Variants in DIAPH1 observed in about 807,000 individuals in gnomAD.
The protein encoded by DIAPH1 is protein diaphanous homolog 1.
DIAPH1 carries 46 observed loss-of-function variants against 140.7 expected under a neutral mutation model. The observed-to-expected ratio is 0.33, with a 90% CI of 0.26 to 0.42. The LOEUF is 0.42. Among genes scored for constraint, DIAPH1 ranks in the 10% least tolerant of loss-of-function variants. The pLI is 1.00. For missense variants in DIAPH1, 1,310 were observed against 1,558.7 expected, an observed-to-expected ratio of 0.84 and a Z score of 2.69; for synonymous variants, 565 against 551.6, an observed-to-expected ratio of 1.02 and a Z score of -0.34.
At chr5:141,522,451 G>A (rs967792790) in intron 27 of DIAPH1, among the ~76,000 whole-genome samples, 8 of 152,054 alleles carry the variant, frequency 5.3e-5, no homozygotes, top group African/African-American at 1.4e-4. Flanking sequence ...CCCCAGCAGA[G>A]GGAAGCCACT....
chr5:141,522,528 A>G (rs1198462536), intron 27 of DIAPH1, among the ~76,000 whole-genome samples: 1 of 151,736 alleles, frequency 6.6e-6, no homozygotes, highest in East Asian at 1.9e-4. Context: ...AAGAGGCTTA[A>G]AAGGGAATTC....
intron 1 of DIAPH1, among the ~76,000 whole-genome samples, chr5:141,597,254 A>T (rs1051913115): frequency 5.9e-5 from 9 of 152,214 alleles, no homozygotes; most frequent in Admixed American, 2.6e-4. Context: ...AGAAAATCCT[A>T]CAAAATTCCA....
intron 11 of DIAPH1, chr5:141,577,977 A>C (rs1417263560): frequency 5.2e-6 from 3 of 580,582 alleles, no homozygotes; most frequent in African/African-American, 1.9e-5. Context: ...ACATTCTAGG[A>C]AGTTTACACT....
chr5:141,606,171 T>C (rs1336709472), intron 1 of DIAPH1, among the ~76,000 whole-genome samples: 2 of 152,068 alleles, frequency 1.3e-5, no homozygotes, highest in African/African-American at 4.8e-5. Flanking sequence ...ATGAAAAAAA[T>C]GGTGCACTCC....
rs1317997824 is a variant in DIAPH1, at chr5:141,582,159, A to C, written c.684+153T>G. 1.2e-5 allele frequency: 8 copies of C among 657,550 alleles called. 1 individual carries two copies. The highest frequency in any genetic ancestry group is 2.2e-5 in the Non-Finnish European group (8 of 358,878). 40.7% of individuals were successfully genotyped at this position (657,550 alleles called of 1,614,324 possible). On this transcript the variant is annotated intron_variant, in intron 7 of 27. Coordinates refer to ENST00000389054, the MANE Select transcript of DIAPH1 (RefSeq NM_005219.5). ...CTGAGAAAAAAATATCCACAGAAGC[A>C]TGTATATGTGGCAATGAAAAACAGT...
chr5:141,551,671 GA>G (rs1236939865), intron 18 of DIAPH1, among the ~76,000 whole-genome samples: 1 of 151,908 alleles, frequency 6.6e-6, no homozygotes, highest in Admixed American at 6.6e-5. Context: ...AAAATCAAAA[GA>G]AAAAATATAA....
At chr5:141,552,239 G>C (rs974025824) in intron 18 of DIAPH1, among the ~76,000 whole-genome samples, 1 of 151,892 alleles carries the variant, frequency 6.6e-6, no homozygotes, top group Non-Finnish European at 1.5e-5. Flanking sequence ...ACCCAGGCTG[G>C]AGAACAGTGG....
Position 141,582,232 on chromosome 5 carries a change from G to C in DIAPH1, c.684+80C>G, listed in dbSNP as rs997950737. The C allele has an allele frequency of 3.1e-5, 32 of 1,025,496 alleles. No individual in the cohort carries two copies. The African/African-American group carries it at 4.7e-4, about 15-fold the overall frequency. The allele number at this position is 1,025,496 out of a possible 1,614,324, so 63.5% of individuals were successfully genotyped here. On this transcript the variant is annotated intron_variant, in intron 7 of 27. Transcript: ENST00000389054. ...AGAAGTCCTGAACCTCATATTCCTA[G>C]TTCCTCTTTTGGTTTGCCAATAGAA...
rs538468891 is a variant in DIAPH1, at chr5:141,520,028, T to C, written c.3662-3020A>G. On this transcript the variant is annotated intron_variant, in intron 27 of 27. Coordinates refer to ENST00000389054, the MANE Select transcript of DIAPH1 (RefSeq NM_005219.5). ...GGCTAGGATAAAAACACCAGCAAAA[T>C]CAACCATATAACGCAAGTTTTAAAA... 5.9e-5 allele frequency among the ~76,000 whole-genome samples: 9 copies of C among 152,024 alleles called. No homozygotes were observed. The South Asian group carries it at 1.9e-3, about 32-fold the overall frequency.
intron 1 of DIAPH1, among the ~76,000 whole-genome samples, chr5:141,590,214 T>C (rs374803554): frequency 9.8e-5 from 15 of 152,328 alleles, no homozygotes; most frequent in African/African-American, 3.6e-4. Context: ...TGTGAATGTA[T>C]ACTTTGTCCA....
intron 25 of DIAPH1, 53 bp from the exon 26 acceptor site, chr5:141,526,226 A>G (rs1303922935): frequency 6.2e-7 from 1 of 1,614,054 alleles, no homozygotes; most frequent in African/African-American, 1.3e-5. Context: ...ACCTACTACC[A>G]GCCAACAGGA....
intron 27 of DIAPH1, among the ~76,000 whole-genome samples, chr5:141,520,525 C>T (rs1015942186): frequency 2.6e-5 from 4 of 152,196 alleles, no homozygotes; most frequent in Admixed American, 2.6e-4. Flanking sequence ...GATACACCTT[C>T]TCCCCCCTTG....
intron 17 of DIAPH1, 69 bp downstream of exon 17, chr5:141,571,857 T>A: frequency 9.0e-7 from 1 of 1,116,500 alleles, no homozygotes; most frequent in Non-Finnish European, 1.4e-6. Flanking sequence ...GGGAAGGGAA[T>A]AGGAAACCTA....
intron 1 of DIAPH1, among the ~76,000 whole-genome samples, chr5:141,612,080 A>T (rs1212568223): frequency 1.3e-5 from 2 of 151,624 alleles, no homozygotes; most frequent in African/African-American, 4.8e-5. Context: ...AAAATAATAA[A>T]TAAATAAATA....
At chr5:141,585,839 G>A (rs937175500) in intron 3 of DIAPH1, among the ~76,000 whole-genome samples, 6 of 152,150 alleles carry the variant, frequency 3.9e-5, no homozygotes, top group African/African-American at 1.4e-4. Flanking sequence ...CAGTACAGTG[G>A]ACTATATTTG....
intron 26 of DIAPH1, 22 bp downstream of exon 26, chr5:141,526,016 T>C: frequency 6.2e-7 from 1 of 1,613,610 alleles, no homozygotes; most frequent in Non-Finnish European, 8.5e-7. Context: ...TCTCAGCCCA[T>C]CAACCCGTCT....
chr5:141,597,128 T>C (rs2099899444), intron 1 of DIAPH1, among the ~76,000 whole-genome samples: 1 of 152,090 alleles, frequency 6.6e-6, no homozygotes, highest in African/African-American at 2.4e-5. Flanking sequence ...AGAGAGCAAG[T>C]TATCAAGGAA....
chr5:141,523,980 C>T (rs185759881), intron 27 of DIAPH1, among the ~76,000 whole-genome samples, 163 bp downstream of exon 27: 1 of 151,846 alleles, frequency 6.6e-6, no homozygotes, highest in Admixed American at 6.6e-5. Flanking sequence ...TTCTAAGTCG[C>T]TACTCTGTAA....
chr5:141,518,993 T>C, intron 27 of DIAPH1: 1 of 1,550,540 alleles, frequency 6.4e-7, no homozygotes, highest in Non-Finnish European at 8.7e-7. Flanking sequence ...GCACAAGAGG[T>C]TGTCTACCAA....
Sources: allele counts gnomAD v4.1 joint callset (sites outside exome capture counted in the v4.1 genomes callset), GRCh38; gene constraint gnomAD v4.1.1; transcripts MANE v1.5; gene names NCBI Gene and HGNC (gene_info 2026-07-23, HGNC 2026-07-21).